The following FSTL4 variants were observed in gnomAD, a reference collection of about 807,000 sequenced individuals.
FSTL4 encodes follistatin-related protein 4.
A neutral mutation model predicts 78.2 loss-of-function variants in FSTL4; 28 were observed. The observed-to-expected ratio is 0.36, with a 90% CI of 0.27 to 0.49. FSTL4 has a LOEUF of 0.49. Ranked by LOEUF, FSTL4 falls within the 20% of genes least tolerant of loss-of-function variation. FSTL4 has a pLI of 0.98. For synonymous variants in FSTL4, 422 were observed against 440.5 expected (o/e 0.96, Z 0.53); for missense variants, 922 against 1,084.9 (o/e 0.85, Z 2.11).
chr5:133,598,189 CAG>C (rs1760780967), intron 2 of FSTL4, among the ~76,000 whole-genome samples: 1 of 152,054 alleles, frequency 6.6e-6, no homozygotes, highest in Non-Finnish European at 1.5e-5. Context: ...AAAAAAAGGC[CAG>C]AGTCAATCCA....
At chr5:133,771,542 A>T in the FSTL4 span, among the ~76,000 whole-genome samples, 1 of 152,148 alleles carries the variant, frequency 6.6e-6, no homozygotes, top group Non-Finnish European at 1.5e-5. Flanking sequence ...GATTCTTATC[A>T]GTGTATAGAA....
At chr5:133,215,577 C>T (rs1427598351) in intron 13 of FSTL4, among the ~76,000 whole-genome samples, 1 of 152,090 alleles carries the variant, frequency 6.6e-6, no homozygotes, top group African/African-American at 2.4e-5. Flanking sequence ...CCTGCCTTGC[C>T]TGAAGTCTCT....
intron 14 of FSTL4, 68 bp downstream of exon 14, chr5:133,210,119 ATACT>A: frequency 1.3e-6 from 1 of 798,944 alleles, no homozygotes; most frequent in Non-Finnish European, 2.2e-6. Flanking sequence ...GAAGCAGGAG[ATACT>A]TATTTTATAG....
intron 4 of FSTL4, among the ~76,000 whole-genome samples, chr5:133,356,673 G>T (rs1245714861): frequency 6.6e-6 from 1 of 152,220 alleles, no homozygotes; most frequent in African/African-American, 2.4e-5. Flanking sequence ...TCAACTGCAG[G>T]GTTGCCACAA....
At chr5:133,334,347 C>T (rs538825619) in intron 4 of FSTL4, among the ~76,000 whole-genome samples, 2 of 152,334 alleles carry the variant, frequency 1.3e-5, no homozygotes, top group South Asian at 2.1e-4. Flanking sequence ...TGTTTCCCCT[C>T]TACCTGGGCA....
the FSTL4 span, among the ~76,000 whole-genome samples, chr5:133,820,759 A>G: frequency 6.6e-6 from 1 of 152,140 alleles, no homozygotes; most frequent in Non-Finnish European, 1.5e-5. Context: ...AAGAGCAGAA[A>G]CCAACTGTTT....
At chr5:133,296,533 C>T (rs770819973) in intron 6 of FSTL4, among the ~76,000 whole-genome samples, 4 of 152,180 alleles carry the variant, frequency 2.6e-5, no homozygotes, top group Admixed American at 6.5e-5. Flanking sequence ...ACCACTCCTA[C>T]CATCAGACCT....
At chr5:133,689,615 T>G in the FSTL4 span, among the ~76,000 whole-genome samples, 1 of 152,218 alleles carries the variant, frequency 6.6e-6, no homozygotes, top group Non-Finnish European at 1.5e-5. Flanking sequence ...CACAGTACCC[T>G]GAATAAAGAG....
chr5:133,814,352 G>C, the FSTL4 span, among the ~76,000 whole-genome samples: 1 of 152,210 alleles, frequency 6.6e-6, no homozygotes, highest in Non-Finnish European at 1.5e-5. Context: ...TAACAAGCAC[G>C]TTCCTGTCTT....
At chr5:133,638,136 C>T in the FSTL4 span, among the ~76,000 whole-genome samples, 2 of 152,008 alleles carry the variant, frequency 1.3e-5, no homozygotes, top group African/African-American at 4.8e-5. Flanking sequence ...CTCTCACATC[C>T]CAATCCAATT....
At chr5:133,293,418 C>T (rs929561903) in intron 6 of FSTL4, among the ~76,000 whole-genome samples, 9 of 152,238 alleles carry the variant, frequency 5.9e-5, no homozygotes, top group South Asian at 2.1e-4. Flanking sequence ...GCTTCCCTGG[C>T]TTCCTTGACA....
At chr5:133,667,484 T>C in the FSTL4 span, among the ~76,000 whole-genome samples, 1 of 152,196 alleles carries the variant, frequency 6.6e-6, no homozygotes, top group Non-Finnish European at 1.5e-5. Context: ...TAAAACAAAG[T>C]CCTTTAAATG....
At chr5:133,568,443 G>A (rs991602789) in intron 2 of FSTL4, among the ~76,000 whole-genome samples, 2 of 152,226 alleles carry the variant, frequency 1.3e-5, no homozygotes, top group African/African-American at 2.4e-5. Flanking sequence ...TGTCAGAAGG[G>A]GGAGGCAATA....
chr5:133,272,089 G>T (rs994866447), intron 6 of FSTL4, among the ~76,000 whole-genome samples: 1 of 152,218 alleles, frequency 6.6e-6, no homozygotes, highest in African/African-American at 2.4e-5. Flanking sequence ...ACACAGTGAG[G>T]TGAGTGGCTT....
At chr5:133,240,037 C>T (rs569709110) in intron 7 of FSTL4, among the ~76,000 whole-genome samples, 1 of 152,188 alleles carries the variant, frequency 6.6e-6, no homozygotes, top group Non-Finnish European at 1.5e-5. Flanking sequence ...TGTTCTTTTG[C>T]TCTTTGCAAT....
At position 133,411,770 on chromosome 5, in the gene FSTL4, C is replaced by G. The variant is rs375455749; in HGVS notation, c.161-10784G>C. ...TTTGGAAAAGAAAGACAGCTAACAACGATCTCTTTTTGATGATTATGTATC... is the reference window on the plus strand; with the variant it reads ...TTTGGAAAAGAAAGACAGCTAACAAGGATCTCTTTTTGATGATTATGTATC... On this transcript the variant is annotated intron_variant, in intron 3 of 15. Coordinates refer to ENST00000265342, the MANE Select transcript of FSTL4 (RefSeq NM_015082.2). 2.6e-5 allele frequency among the ~76,000 whole-genome samples: 4 copies of G among 152,062 alleles called. No homozygotes were observed. The South Asian group carries it at 8.3e-4, about 32-fold the overall frequency.
chr5:133,351,810 GT>G (rs1358619112), intron 4 of FSTL4, among the ~76,000 whole-genome samples: 1 of 152,076 alleles, frequency 6.6e-6, no homozygotes, highest in Admixed American at 6.5e-5. Flanking sequence ...TTTTTGCCAT[GT>G]TGGTCAGGCT....
rs1296893143 is a variant in FSTL4, at chr5:133,549,574, G to A, written c.160+17612C>T. ...CTGCTGGCTCTTCTTTTGGTGTTTTGCATCCTTTCATTTTTACAAATTTTA... is the reference window on the plus strand; with the variant it reads ...CTGCTGGCTCTTCTTTTGGTGTTTTACATCCTTTCATTTTTACAAATTTTA... On this transcript the variant is annotated intron_variant, in intron 3 of 15. Transcript: ENST00000265342. 2.6e-5 allele frequency among the ~76,000 whole-genome samples: 4 copies of A among 151,918 alleles called. No individual in the cohort carries two copies. The East Asian group carries it at 7.7e-4, about 29-fold the overall frequency.
the FSTL4 span, among the ~76,000 whole-genome samples, chr5:133,664,950 A>T: frequency 6.6e-6 from 1 of 152,182 alleles, no homozygotes; most frequent in Non-Finnish European, 1.5e-5. Context: ...GCAAATTATG[A>T]AAAATAGAAC....
Sources: gnomAD v4.1 joint callset for allele counts (sites outside exome capture counted in the v4.1 genomes callset) on GRCh38, gnomAD v4.1.1 for gene constraint, MANE v1.5 for transcripts, NCBI Gene and HGNC (gene_info 2026-07-23, HGNC 2026-07-21) for gene names.